Variants in TAF8 observed in about 807,000 individuals in gnomAD.
TAF8 encodes the protein transcription initiation factor TFIID subunit 8.
TAF8 carries 47 observed loss-of-function variants against 36.5 expected under a neutral mutation model. The observed-to-expected ratio is 1.29, with a 90% CI of 1.02 to 1.64. The LOEUF (loss-of-function observed/expected upper bound fraction) is 1.64. TAF8 is among the 40% of genes most tolerant of loss of function. The pLI, the probability that TAF8 is intolerant of heterozygous loss-of-function variation, is 0.00. For missense variants in TAF8, 420 were observed against 407.6 expected, an observed-to-expected ratio of 1.03 and a Z score of -0.26; for synonymous variants, 175 against 159.5, an observed-to-expected ratio of 1.10 and a Z score of -0.73.
At chr6:42,050,892 T>A (rs1764749804) in intron 1 of TAF8, 1 of 1,195,404 alleles carries the variant, frequency 8.4e-7, no homozygotes, top group South Asian at 3.4e-5. Flanking sequence ...CATTCCCGTT[T>A]CAAAATATTT....
chr6:42,069,369 G>A (rs149372223), intron 7 of TAF8, among the ~76,000 whole-genome samples: 1 of 152,240 alleles, frequency 6.6e-6, no homozygotes, highest in East Asian at 1.9e-4. Flanking sequence ...TTAGGATGCT[G>A]TCACAGTAAA....
chr6:42,079,906 G>A lies in TAF8; in HGVS notation c.*2361G>A. 1.0e-6 allele frequency: 1 copy of A among 985,138 alleles called. No homozygotes were observed. Among genetic ancestry groups the A allele is most frequent in the Non-Finnish European group, 1.2e-6 (1 of 829,900 alleles). The allele number at this position is 985,138 out of a possible 1,614,324, so 61.0% of individuals were successfully genotyped here. A position where few individuals can be genotyped will look rare whatever the true frequency, so the allele number is the denominator to read the frequency against. ...GAATTTGGAAACTTGAAAAACTTGG[G>A]GACTTGACAGCAGGCTCCATGTTCT... On this transcript the variant is annotated 3_prime_UTR_variant, in exon 9 of 9. Coordinates refer to ENST00000372977, the MANE Select transcript of TAF8 (RefSeq NM_138572.3).
At chr6:42,054,969 G>A (rs1360066807) in intron 2 of TAF8, among the ~76,000 whole-genome samples, 7 of 132,316 alleles carry the variant, frequency 5.3e-5, no homozygotes, top group Admixed American at 3.2e-4. Context: ...TCACTCTGTC[G>A]CCCAGGCTGG....
chr6:42,057,932 G>A (rs559542476), intron 5 of TAF8: 10 of 196,804 alleles, frequency 5.1e-5, no homozygotes, highest in South Asian at 1.6e-4. Context: ...GTACATAGCC[G>A]CATAGGAACA....
At position 42,058,589 on chromosome 6, in the gene TAF8, C is replaced by T. The variant is rs143198596; in HGVS notation, c.489+1076C>T. On this transcript the variant is annotated intron_variant, in intron 5 of 8. Coordinates refer to ENST00000372977, the MANE Select transcript of TAF8 (RefSeq NM_138572.3). ...ACCATATAGTGATGGCAAGCCCTCA[C>T]GTCCTCTGGGCATTTTTCCATACCT... 1.2e-4 allele frequency among the ~76,000 whole-genome samples: 18 copies of T among 152,274 alleles called. No homozygotes were observed. In the East Asian group the frequency reaches 2.3e-3, roughly 20 times the overall value.
chr6:42,050,884 T>G, intron 1 of TAF8: 1 of 1,187,634 alleles, frequency 8.4e-7, no homozygotes, highest in Middle Eastern at 3.2e-4. Flanking sequence ...TTGAAAGGCA[T>G]TCCCGTTTCA....
At chr6:42,056,756 C>T (rs368589241) in intron 4 of TAF8, among the ~76,000 whole-genome samples, 31 of 152,278 alleles carry the variant, frequency 2.0e-4, no homozygotes, top group African/African-American at 7.0e-4. Flanking sequence ...CAGGCGCTCG[C>T]CACCACACCC....
downstream of TAF8, among the ~76,000 whole-genome samples, chr6:42,085,322 T>C (rs928639367): frequency 6.6e-6 from 1 of 152,246 alleles, no homozygotes; most frequent in Non-Finnish European, 1.5e-5. Flanking sequence ...CAGCAAACAA[T>C]GCTGCGCTGA....
intron 5 of TAF8, among the ~76,000 whole-genome samples, chr6:42,058,120 A>G (rs1236429276): frequency 6.6e-6 from 1 of 152,212 alleles, no homozygotes; most frequent in Non-Finnish European, 1.5e-5. Flanking sequence ...GCAGTGGCTC[A>G]TACCTTTAAT....
chr6:42,056,014 CGTAA>C lies in TAF8; in HGVS notation c.364+3_364+6del. 2 of 1,604,068 alleles carry C rather than the reference CGTAA, an allele frequency of 1.2e-6. No homozygotes were observed. The highest frequency in any genetic ancestry group is 1.7e-6 in the Non-Finnish European group (2 of 1,170,914). Reference sequence around the variant, plus strand: ...GTCTCAGAGGATGGTCATCACTGCTCGTAAGTGACTTTGAACTGAGGTACTTAGC... The same window carrying C: ...GTCTCAGAGGATGGTCATCACTGCTCGTGACTTTGAACTGAGGTACTTAGC... On this transcript the variant is annotated splice_donor_variant and splice_donor_region_variant and intron_variant, in intron 4 of 8. Coordinates refer to ENST00000372977, the MANE Select transcript of TAF8 (RefSeq NM_138572.3). LOFTEE classifies it high-confidence loss of function.
chr6:42,068,514 G>GTC lies in TAF8; in HGVS notation c.689_690dup (p.Glu231LeufsTer69), dbSNP rs1562017057. On this transcript the variant is annotated frameshift_variant, in exon 7 of 9. Coordinates refer to ENST00000372977, the MANE Select transcript of TAF8 (RefSeq NM_138572.3). LOFTEE classifies it high-confidence loss of function. ...TCCCCTACCTGACAGCTCTTCTTCC[G>GTC]TCTGAACTGGAGATGCAACAAATGG... is the stretch of plus-strand genomic sequence containing the variant. 2 of 1,613,924 alleles carry GTC rather than the reference G, an allele frequency of 1.2e-6. No individual in the cohort carries two copies. The highest frequency in any genetic ancestry group is 1.7e-6 in the Non-Finnish European group (2 of 1,180,028).
chr6:42,086,810 T>C, downstream of TAF8: 1 of 1,488,486 alleles, frequency 6.7e-7, no homozygotes, highest in African/African-American at 1.4e-5. Context: ...GCCACAAAGG[T>C]CAAGAAAGAC....
chr6:42,076,310 C>T (rs563721205), intron 7 of TAF8, among the ~76,000 whole-genome samples: 34 of 151,318 alleles, frequency 2.2e-4, no homozygotes, highest in Non-Finnish European at 4.1e-4. Context: ...ATTAGCCGGG[C>T]GTCATGGCAC....
intron 5 of TAF8, chr6:42,057,774 A>AAC: frequency 2.3e-5 from 7 of 309,696 alleles, no homozygotes; most frequent in Non-Finnish European, 2.6e-5. Context: ...TAAATAAATA[A>AAC]AGAAAAAAAA....
chr6:42,056,015 G>A lies in TAF8; in HGVS notation c.364+1G>A, dbSNP rs763892040. The A allele has an allele frequency of 2.2e-5, 35 of 1,603,742 alleles. No homozygotes were observed. The highest frequency in any genetic ancestry group is 8.3e-5 in the Admixed American group (5 of 59,988). On this transcript the variant is annotated splice_donor_variant, in intron 4 of 8. Transcript: ENST00000372977. LOFTEE classifies it high-confidence loss of function. The stretch of plus-strand genomic sequence containing the variant: ...TCTCAGAGGATGGTCATCACTGCTC[G>A]TAAGTGACTTTGAACTGAGGTACTT...
At position 42,078,797 on chromosome 6, in the gene TAF8, G is replaced by A; in HGVS notation, c.*1252G>A. ...TAGAGCGTCGGCTCTATTATGCTGG[G>A]ACTTGACAGAGGAGCCATGGGGTTT... On this transcript the variant is annotated 3_prime_UTR_variant, in exon 9 of 9. Coordinates refer to ENST00000372977, the MANE Select transcript of TAF8 (RefSeq NM_138572.3). 3.0e-6 allele frequency: 3 copies of A among 985,422 alleles called. No homozygotes were observed. The highest frequency in any genetic ancestry group is 3.6e-6 in the Non-Finnish European group (3 of 829,974). The allele number at this position is 985,422 out of a possible 1,614,324, so 61.0% of individuals were successfully genotyped here.
chr6:42,078,412 A>C lies in TAF8; in HGVS notation c.*867A>C, dbSNP rs573026836. 5.6e-5 allele frequency: 55 copies of C among 985,276 alleles called. No individual in the cohort carries two copies. Among genetic ancestry groups the C allele is most frequent in the Non-Finnish European group, 6.5e-5 (54 of 829,944 alleles). 61.0% of individuals were successfully genotyped at this position (985,276 alleles called of 1,614,324 possible). ...TTATTGACTCACAATTTGTGGCACCACTTTCTCATCCCAGAACTTCATTCT... is the reference window on the plus strand; with the variant it reads ...TTATTGACTCACAATTTGTGGCACCCCTTTCTCATCCCAGAACTTCATTCT... On this transcript the variant is annotated 3_prime_UTR_variant, in exon 9 of 9. Transcript: ENST00000372977.
downstream of TAF8, among the ~76,000 whole-genome samples, chr6:42,085,528 A>G (rs1481743131): frequency 1.3e-5 from 2 of 152,206 alleles, no homozygotes; most frequent in Non-Finnish European, 2.9e-5. Flanking sequence ...TGTGAATGGG[A>G]TTGGTGCCTC....
intron 4 of TAF8, among the ~76,000 whole-genome samples, chr6:42,056,540 A>G (rs528116173): frequency 6.6e-6 from 1 of 151,880 alleles, no homozygotes; most frequent in East Asian, 1.9e-4. Context: ...TGGGTGCCAT[A>G]AGCTGAGTAG....
Sources: allele counts gnomAD v4.1 joint callset (sites outside exome capture counted in the v4.1 genomes callset), GRCh38; gene constraint gnomAD v4.1.1; transcripts MANE v1.5; gene names NCBI Gene and HGNC (gene_info 2026-07-23, HGNC 2026-07-21).